Variants in ADCK1 observed in about 807,000 individuals in gnomAD.
ADCK1 encodes aarF domain containing kinase 1, also known as aarF domain-containing protein kinase 1.
A neutral mutation model predicts 52.3 loss-of-function variants in ADCK1; 41 were observed. The observed-to-expected ratio is 0.78, with a 90% CI of 0.61 to 1.02. The LOEUF (loss-of-function observed/expected upper bound fraction) is 1.02, where lower values mean the gene tolerates loss of function less well. Ranked by LOEUF, ADCK1 falls within the 50% of genes least tolerant of loss-of-function variation. ADCK1 has a pLI of 0.00. For missense variants in ADCK1, 658 were observed against 679.5 expected (o/e 0.97, Z 0.35); for synonymous variants, 250 against 274.6 (o/e 0.91, Z 0.89).
At chr14:77,867,480 C>T (rs909455281) in intron 4 of ADCK1, among the ~76,000 whole-genome samples, 2 of 152,138 alleles carry the variant, frequency 1.3e-5, no homozygotes, top group African/African-American at 4.8e-5. Flanking sequence ...AACCCATTTC[C>T]CCCCCAATAA....
intron 4 of ADCK1, among the ~76,000 whole-genome samples, chr14:77,865,008 A>C (rs945053140): frequency 6.6e-6 from 1 of 152,176 alleles, no homozygotes; most frequent in African/African-American, 2.4e-5. Context: ...TTGGCTGGGC[A>C]CAGTGGCTCA....
rs537606988 is a variant in ADCK1, at chr14:77,823,824, G to C, written c.219+1306G>C. On this transcript the variant is annotated intron_variant, in intron 3 of 10. Transcript: ENST00000238561. ...TGACTTCAAGTAATCCACCTGCCTT[G>C]GCCTCCCAAAGTGCTGGGATTACAG... 2.6e-5 allele frequency among the ~76,000 whole-genome samples: 4 copies of C among 152,138 alleles called. No individual in the cohort carries two copies. The South Asian group carries it at 6.2e-4, about 24-fold the overall frequency.
intron 1 of ADCK1, among the ~76,000 whole-genome samples, chr14:77,805,797 GA>G (rs1566620450): frequency 1.3e-5 from 2 of 151,752 alleles, no homozygotes; most frequent in African/African-American, 4.8e-5. Context: ...GGCTCAGTCT[GA>G]AAAAAATCTC....
At chr14:77,933,199 T>C (rs2084378713) in intron 10 of ADCK1, 21 bp from the exon 11 acceptor site, 1 of 1,609,124 alleles carries the variant, frequency 6.2e-7, no homozygotes, top group Non-Finnish European at 8.5e-7. Flanking sequence ...CTTTTCTCCT[T>C]TTTTCTTTCC....
chr14:77,883,766 C>T (rs1325354982), intron 4 of ADCK1, among the ~76,000 whole-genome samples: 1 of 152,094 alleles, frequency 6.6e-6, no homozygotes, highest in Non-Finnish European at 1.5e-5. Flanking sequence ...ATCCTCATTC[C>T]CCATGCCTAT....
At chr14:77,907,712 T>C in intron 6 of ADCK1, 91 bp from the exon 7 acceptor site, 1 of 919,862 alleles carries the variant, frequency 1.1e-6, no homozygotes, top group Non-Finnish European at 1.6e-6. Context: ...GGGAGGAGCC[T>C]CTGTTGCTGT....
chr14:77,850,956 G>T (rs777359583), intron 3 of ADCK1, among the ~76,000 whole-genome samples: 3 of 151,524 alleles, frequency 2.0e-5, no homozygotes. Flanking sequence ...CACCCGGCCC[G>T]ATGTATCTTT....
intron 3 of ADCK1, 85 bp downstream of exon 3, chr14:77,822,603 C>G (rs1013144262): frequency 8.4e-7 from 1 of 1,192,178 alleles, no homozygotes; most frequent in South Asian, 1.2e-5. Flanking sequence ...TCCCACCTCA[C>G]CCCCGCAAAG....
At chr14:77,839,553 G>A (rs1234974405) in intron 3 of ADCK1, among the ~76,000 whole-genome samples, 3 of 152,100 alleles carry the variant, frequency 2.0e-5, no homozygotes, top group African/African-American at 4.8e-5. Flanking sequence ...CTGTGTCAAG[G>A]CCACCTGCAG....
intron 4 of ADCK1, among the ~76,000 whole-genome samples, chr14:77,876,053 C>G (rs1018950755): frequency 6.6e-6 from 1 of 152,170 alleles, no homozygotes; most frequent in African/African-American, 2.4e-5. Context: ...TGTAAAGGGC[C>G]TGCATGAGGC....
chr14:77,925,349 A>G (rs1416257924), intron 8 of ADCK1, among the ~76,000 whole-genome samples: 1 of 152,246 alleles, frequency 6.6e-6, no homozygotes, highest in East Asian at 1.9e-4. Flanking sequence ...GCCTCACCAG[A>G]GGTGATGGTG....
chr14:77,814,895 AT>A (rs35317275), intron 1 of ADCK1, among the ~76,000 whole-genome samples: 15,854 of 144,962 alleles, frequency 0.11, 979 homozygotes, highest in African/African-American at 0.16. Flanking sequence ...TTAAAAAAAA[AT>A]TTTTTTTTTT....
At chr14:77,917,205 A>G (rs2083945297) in intron 7 of ADCK1, among the ~76,000 whole-genome samples, 1 of 152,338 alleles carries the variant, frequency 6.6e-6, no homozygotes, top group Admixed American at 6.5e-5. Flanking sequence ...AGCCTGGGCT[A>G]CAGAGTGAGA....
rs2084390971 is a variant in ADCK1 at position 77,933,541 on chromosome 14, C to T, written c.*150C>T. The T allele has an allele frequency of 5.5e-6, 5 of 909,644 alleles. No homozygotes were observed. In the South Asian group the frequency reaches 8.2e-5, roughly 15 times the overall value. 56.3% of individuals were successfully genotyped at this position (909,644 alleles called of 1,614,324 possible). ...ACCATCCTTCTCCTCCTTTGGAATC[C>T]TCTCCGCACACTGTGGCCCTTGTCT... On this transcript the variant is annotated 3_prime_UTR_variant, in exon 11 of 11. Transcript: ENST00000238561.
chr14:77,819,085 C>T lies in ADCK1; in HGVS notation c.107C>T (p.Ala36Val), dbSNP rs2081525964. Reference protein sequence around the residue: ...NKYLDPNDFGAVRVGRAVATT... With the variant: ...NKYLDPNDFGVVRVGRAVATT... Reference sequence around the variant, plus strand: ...TACTTGGACCCTAATGACTTTGGCGCTGTCAGGGTGGGCAGAGCAGTTGCT... The same window carrying T: ...TACTTGGACCCTAATGACTTTGGCGTTGTCAGGGTGGGCAGAGCAGTTGCT... Residue 36 changes from alanine (A) to valine (V), a missense_variant, in exon 2 of 11, where the codon GCT becomes GTT. Physicochemically the swap from Ala to Val is moderately conservative, Grantham distance 64. Coordinates refer to ENST00000238561, the MANE Select transcript of ADCK1 (RefSeq NM_020421.4). 6.2e-7 allele frequency: 1 copy of T among 1,613,342 alleles called. No individual in the cohort carries two copies. The highest frequency in any genetic ancestry group is 8.5e-7 in the Non-Finnish European group (1 of 1,179,904).
chr14:77,803,962 C>T lies in ADCK1; in HGVS notation c.-12+3792C>T, dbSNP rs2081166139. 2.0e-5 allele frequency among the ~76,000 whole-genome samples: 3 copies of T among 152,224 alleles called. No individual in the cohort carries two copies. The South Asian group carries it at 6.2e-4, about 32-fold the overall frequency. On this transcript the variant is annotated intron_variant, in intron 1 of 10. Coordinates refer to ENST00000238561, the MANE Select transcript of ADCK1 (RefSeq NM_020421.4). ...GCTGAGCCACCTGGGACAAATCTCT[C>T]ACCCTCTCTGCTCCTTGGTTTCCTC...
chr14:77,918,758 A>C (rs1275638551), intron 7 of ADCK1, among the ~76,000 whole-genome samples: 1 of 152,204 alleles, frequency 6.6e-6, no homozygotes, highest in East Asian at 1.9e-4. Context: ...TAGAGGATTT[A>C]TTTTAATATC....
At chr14:77,869,354 G>T (rs1368457895) in intron 4 of ADCK1, among the ~76,000 whole-genome samples, 2 of 152,066 alleles carry the variant, frequency 1.3e-5, no homozygotes, top group Admixed American at 1.3e-4. Context: ...CTGTTCCTTG[G>T]TTTGGAGATG....
chr14:77,912,723 C>T (rs2083823707), intron 7 of ADCK1, among the ~76,000 whole-genome samples: 1 of 152,042 alleles, frequency 6.6e-6, no homozygotes, highest in Non-Finnish European at 1.5e-5. Flanking sequence ...AGATGTCTAT[C>T]CTGGAAGATG....
Sources: gnomAD v4.1 joint callset for allele counts (sites outside exome capture counted in the v4.1 genomes callset) on GRCh38, gnomAD v4.1.1 for gene constraint, MANE v1.5 for transcripts, NCBI Gene and HGNC (gene_info 2026-07-23, HGNC 2026-07-21) for gene names.